Variants in C16orf96 observed in about 807,000 individuals in gnomAD.
C16orf96 encodes uncharacterized protein C16orf96.
C16orf96 carries 108 observed loss-of-function variants against 103.6 expected under a neutral mutation model. The ratio of observed to expected loss-of-function variants is 1.04; its 90% confidence interval spans 0.89 to 1.22. C16orf96 has a LOEUF of 1.22. Among genes scored for constraint, C16orf96 ranks in the 50% most tolerant of loss-of-function variants. The probability of loss-of-function intolerance (pLI) is 0.00; values close to 1 mark genes in which losing one functional copy is unlikely to be tolerated. For missense variants in C16orf96, 1,586 were observed against 1,464.2 expected, an observed-to-expected ratio of 1.08 and a Z score of -1.36; for synonymous variants, 566 against 593.5, an observed-to-expected ratio of 0.95 and a Z score of 0.67.
chr16:4,586,424 G>T (rs555328321), intron 7 of C16orf96, among the ~76,000 whole-genome samples: 8 of 152,336 alleles, frequency 5.3e-5, no homozygotes, highest in African/African-American at 9.6e-5. Flanking sequence ...CGGGACACCC[G>T]ACAGGAAGAG....
intron 1 of C16orf96, among the ~76,000 whole-genome samples, chr16:4,565,749 G>A (rs757036862): frequency 4.7e-4 from 71 of 152,108 alleles, no homozygotes; most frequent in Non-Finnish European, 1.9e-4. Context: ...TTGTCCTCCC[G>A]AGGTGCTGGG....
At position 4,596,253 on chromosome 16, in the gene C16orf96, G is replaced by A. The variant is rs182229843; in HGVS notation, c.3127+1450G>A. On this transcript the variant is annotated intron_variant, in intron 14 of 15. Transcript: ENST00000444310. ...TGTAATCCCAGCACTTTGGGAGACC[G>A]AGGCGGGCGGATCACAAGGTCAGGA... Among the ~76,000 whole-genome samples, 1,278 of 152,204 alleles carry A rather than the reference G, an allele frequency of 8.4e-3. 46 individuals carry two copies. Among genetic ancestry groups the A allele is most frequent in the Admixed American group, 0.078 (1,188 of 15,272 alleles).
chr16:4,583,722 A>T (rs1896845995), intron 7 of C16orf96, among the ~76,000 whole-genome samples: 1 of 152,154 alleles, frequency 6.6e-6, no homozygotes, highest in South Asian at 2.1e-4. Flanking sequence ...CAGGAGTTTG[A>T]AACCAGTCTG....
chr16:4,540,202 A>C, the C16orf96 span, among the ~76,000 whole-genome samples: 1 of 152,322 alleles, frequency 6.6e-6, no homozygotes, highest in Admixed American at 6.5e-5. Flanking sequence ...AATGCCCAGG[A>C]CTGTGAAGGA....
At position 4,593,099 on chromosome 16, in the gene C16orf96, G is replaced by A. The variant is rs1897096109; in HGVS notation, c.2775-125G>A. 1 of 867,842 alleles carries A rather than the reference G, an allele frequency of 1.2e-6. No individual in the cohort carries two copies. Among genetic ancestry groups the A allele is most frequent in the East Asian group, 2.7e-5 (1 of 37,172 alleles). 53.8% of individuals were successfully genotyped at this position (867,842 alleles called of 1,614,324 possible). On this transcript the variant is annotated intron_variant, in intron 11 of 15. Transcript: ENST00000444310. The surrounding 1 kb of genome is among the most constrained non-coding windows in gnomAD (Gnocchi z 4.2). The stretch of plus-strand genomic sequence containing the variant: ...GCTGTGGACGCTTCTGGCATTCGAG[G>A]GTGGTGACCTGAGTCTGCACCTCCT...
At chr16:4,581,199 G>A (rs1173420598) in intron 7 of C16orf96, among the ~76,000 whole-genome samples, 5 of 135,390 alleles carry the variant, frequency 3.7e-5, no homozygotes, top group African/African-American at 8.1e-5. Context: ...GCCAGGCGTA[G>A]TGGCACACAC....
chr16:4,552,648 T>C (rs1291769450), upstream of C16orf96, among the ~76,000 whole-genome samples: 2 of 152,120 alleles, frequency 1.3e-5, no homozygotes, highest in Non-Finnish European at 2.9e-5. Context: ...CAAACATCCT[T>C]GTGCATGGTG....
At chr16:4,594,919 C>T in intron 14 of C16orf96, 116 bp downstream of exon 14, 2 of 1,128,932 alleles carry the variant, frequency 1.8e-6, no homozygotes, top group Non-Finnish European at 1.3e-6. Flanking sequence ...GGGGAGTCCT[C>T]ACACAGTCAG....
chr16:4,564,173 A>AAAAGAAG (rs1002931372), intron 1 of C16orf96, among the ~76,000 whole-genome samples: 67 of 152,220 alleles, frequency 4.4e-4, no homozygotes, highest in African/African-American at 1.6e-3. Context: ...CATCTTAAAA[A>AAAAGAAG]AAAGAAGAAG....
the C16orf96 span, among the ~76,000 whole-genome samples, chr16:4,547,301 T>G: frequency 2.1e-4 from 32 of 152,190 alleles, no homozygotes; most frequent in Non-Finnish European, 7.4e-5. Context: ...CACACCCAGC[T>G]AATTTTTGTA....
rs1277603887 is a variant in C16orf96 at position 4,599,269 on chromosome 16, T to C, written c.3128-15T>C. 7.9e-5 allele frequency: 122 copies of C among 1,550,968 alleles called. No homozygotes were observed. Among genetic ancestry groups the C allele is most frequent in the Non-Finnish European group, 1.0e-4 (119 of 1,146,446 alleles). Reference sequence around the variant, plus strand: ...TGGATGCCACCCACACCTGTCTCTTTTCTTTTCTGCTAAGCTGTGAAGGCT... The same window carrying C: ...TGGATGCCACCCACACCTGTCTCTTCTCTTTTCTGCTAAGCTGTGAAGGCT... On this transcript the variant is annotated splice_polypyrimidine_tract_variant and intron_variant, in intron 14 of 15. Transcript: ENST00000444310.
intron 1 of C16orf96, among the ~76,000 whole-genome samples, chr16:4,557,748 T>G (rs994224690): frequency 6.6e-6 from 1 of 152,124 alleles, no homozygotes; most frequent in Non-Finnish European, 1.5e-5. Flanking sequence ...TGGCTCACTG[T>G]AGCCTCGACC....
rs1318733953 is a variant in C16orf96 at position 4,588,169 on chromosome 16, A to G, written c.2430A>G (p.Lys810=). The G allele has an allele frequency of 3.2e-6, 5 of 1,550,848 alleles. No individual in the cohort carries two copies. The South Asian group carries it at 3.6e-5, about 11-fold the overall frequency. The part of the protein sequence containing the change: ...KSTMEEELRE[K]ADRSALAGKA... ...CCCTGAACTCCCTGTCTCCCTAGAAAGCTGACAGGAGTGCCCTGGCAGGCA... is the reference window on the plus strand; with the variant it reads ...CCCTGAACTCCCTGTCTCCCTAGAAGGCTGACAGGAGTGCCCTGGCAGGCA... The change falls in exon 9 of 16, where the codon AAA becomes AAG. Residue 810 remains lysine, a splice_region_variant and synonymous_variant. Coordinates refer to ENST00000444310, the MANE Select transcript of C16orf96 (RefSeq NM_001145011.2).
intron 5 of C16orf96, among the ~76,000 whole-genome samples, chr16:4,577,823 G>T (rs906534346): frequency 3.7e-4 from 56 of 152,306 alleles, no homozygotes; most frequent in African/African-American, 1.3e-3. Context: ...AGGCTTGATA[G>T]TGCGCGCCTG....
At chr16:4,577,132 G>C (rs1444455183) in intron 5 of C16orf96, among the ~76,000 whole-genome samples, 1 of 151,370 alleles carries the variant, frequency 6.6e-6, no homozygotes, top group South Asian at 2.1e-4. Context: ...CAGAGGTTGC[G>C]GTGAGCCAAG....
chr16:4,583,637 A>G (rs1005114657), intron 7 of C16orf96, among the ~76,000 whole-genome samples: 3 of 152,160 alleles, frequency 2.0e-5, no homozygotes, highest in Admixed American at 6.6e-5. Flanking sequence ...CAATAGGCCA[A>G]GAAGACTGGG....
chr16:4,586,422 C>T (rs78399535), intron 7 of C16orf96, among the ~76,000 whole-genome samples: 195 of 152,278 alleles, frequency 1.3e-3, no homozygotes, highest in African/African-American at 4.6e-3. Flanking sequence ...AGCGGGACAC[C>T]CGACAGGAAG....
chr16:4,546,654 C>T, the C16orf96 span, among the ~76,000 whole-genome samples: 1 of 151,914 alleles, frequency 6.6e-6, no homozygotes, highest in Non-Finnish European at 1.5e-5. Context: ...TTTGTAGAGA[C>T]AGGGTCTCAC....
intron 1 of C16orf96, among the ~76,000 whole-genome samples, chr16:4,563,865 G>A (rs545129626): frequency 2.6e-5 from 4 of 151,116 alleles, no homozygotes; most frequent in Admixed American, 1.3e-4. Context: ...CACTGTGCCC[G>A]GCCTCTGTTG....
Sources: gnomAD v4.1 joint callset for allele counts (sites outside exome capture counted in the v4.1 genomes callset) on GRCh38, gnomAD v4.1.1 for gene constraint, Gnocchi (gnomAD v3.1) non-coding constraint, MANE v1.5 for transcripts, NCBI Gene and HGNC (gene_info 2026-07-23, HGNC 2026-07-21) for gene names.